Variants in LRRFIP1 observed in about 807,000 individuals in gnomAD.
LRRFIP1 encodes LRR binding FLII interacting protein 1.
LRRFIP1 carries 62 observed loss-of-function variants against 104.4 expected under a neutral mutation model. The ratio of observed to expected loss-of-function variants is 0.59; its 90% confidence interval spans 0.48 to 0.73. The LOEUF (loss-of-function observed/expected upper bound fraction) is 0.73. Among genes scored for constraint, LRRFIP1 ranks in the 30% least tolerant of loss-of-function variants. The probability of loss-of-function intolerance (pLI) is 0.00; values close to 1 mark genes in which losing one functional copy is unlikely to be tolerated. For synonymous variants in LRRFIP1, 300 were observed against 299.0 expected (o/e 1.00, Z -0.03); for missense variants, 796 against 824.5 (o/e 0.97, Z 0.42).
rs371205051 is a variant in LRRFIP1 at position 237,773,576 on chromosome 2, TA to T, written c.1707+638del. Among the ~76,000 whole-genome samples the T allele has an allele frequency of 1.5e-3, 232 of 152,192 alleles. 3 individuals are homozygous for T. Among genetic ancestry groups the T allele is most frequent in the African/African-American group, 5.0e-3 (206 of 41,536 alleles). On this transcript the variant is annotated intron_variant, in intron 22 of 23. Transcript: ENST00000308482. ...TAAATAAATAAATAATGTAGCTAAT[TA>T]AAAAAACACATCATACTGGGACGTC...
At chr2:237,670,358 A>C (rs902466361) in intron 1 of LRRFIP1, among the ~76,000 whole-genome samples, 5 of 152,174 alleles carry the variant, frequency 3.3e-5, no homozygotes, top group African/African-American at 1.2e-4. Flanking sequence ...CAGATGTACT[A>C]GGAGGCCCCT....
intron 17 of LRRFIP1, among the ~76,000 whole-genome samples, chr2:237,758,047 T>C (rs779711748): frequency 2.0e-5 from 3 of 152,104 alleles, no homozygotes; most frequent in Non-Finnish European, 1.5e-5. Flanking sequence ...AATTGAAGGA[T>C]AGGGGGAACA....
chr2:237,640,539 C>T (rs987833264), intron 1 of LRRFIP1, among the ~76,000 whole-genome samples: 1 of 152,054 alleles, frequency 6.6e-6, no homozygotes, highest in African/African-American at 2.4e-5. Flanking sequence ...TCGTCCTTCA[C>T]CCCCCAGGAC....
intron 13 of LRRFIP1, among the ~76,000 whole-genome samples, chr2:237,750,925 C>T (rs1206371345): frequency 7.2e-5 from 11 of 152,088 alleles, no homozygotes; most frequent in Non-Finnish European, 1.2e-4. Flanking sequence ...TAACCTGTAC[C>T]GTTTTCCGAG....
At chr2:237,650,282 G>A (rs2085703333) in intron 1 of LRRFIP1, among the ~76,000 whole-genome samples, 1 of 151,980 alleles carries the variant, frequency 6.6e-6, no homozygotes, top group Admixed American at 6.5e-5. Context: ...CTCAGCATGG[G>A]GGCTGTTGTG....
intron 1 of LRRFIP1, among the ~76,000 whole-genome samples, chr2:237,702,940 A>G (rs972995729): frequency 6.6e-6 from 1 of 152,140 alleles, no homozygotes; most frequent in Non-Finnish European, 1.5e-5. Flanking sequence ...AGATAATTTC[A>G]CTGTACTCCT....
chr2:237,759,353 G>A (rs906372558), intron 18 of LRRFIP1, among the ~76,000 whole-genome samples: 1 of 152,148 alleles, frequency 6.6e-6, no homozygotes, highest in Non-Finnish European at 1.5e-5. Context: ...CTGGGTGGGG[G>A]GGTTCCTGAA....
intron 19 of LRRFIP1, among the ~76,000 whole-genome samples, chr2:237,761,556 C>G (rs1239317059): frequency 6.6e-6 from 1 of 152,220 alleles, no homozygotes; most frequent in African/African-American, 2.4e-5. Context: ...AAGTGGCCTT[C>G]AAATGACTTT....
intron 22 of LRRFIP1, 42 bp from the exon 23 acceptor site, chr2:237,774,316 G>A: frequency 8.5e-7 from 1 of 1,182,126 alleles, no homozygotes; most frequent in Non-Finnish European, 1.2e-6. Flanking sequence ...AAAGAAAACA[G>A]GCTTATCAAT....
chr2:237,772,346 G>T, intron 21 of LRRFIP1, 148 bp downstream of exon 21: 2 of 624,476 alleles, frequency 3.2e-6, no homozygotes, highest in South Asian at 1.9e-5. Flanking sequence ...CACAAGGAGG[G>T]GTAGGTAGAC....
rs182990338 is a variant in LRRFIP1 at position 237,692,587 on chromosome 2, C to G, written c.97-15957C>G. Reference sequence around the variant, plus strand: ...GGCGGGGTTTCAGGGGCTTCCAGCTCGTTCCGAGGTCAATGGCAGGCGCAG... The same window carrying G: ...GGCGGGGTTTCAGGGGCTTCCAGCTGGTTCCGAGGTCAATGGCAGGCGCAG... On this transcript the variant is annotated intron_variant, in intron 1 of 23. Transcript: ENST00000308482. 2.7e-3 allele frequency: 3,908 copies of G among 1,432,770 alleles called. 10 individuals carry two copies. The highest frequency in any genetic ancestry group is 3.0e-3 in the Non-Finnish European group (3,219 of 1,076,642). 88.8% of individuals were successfully genotyped at this position (1,432,770 alleles called of 1,614,324 possible). A position where few individuals can be genotyped will look rare whatever the true frequency, so the allele number is the denominator to read the frequency against.
chr2:237,709,152 C>T (rs1303950720), intron 2 of LRRFIP1, among the ~76,000 whole-genome samples: 3 of 152,164 alleles, frequency 2.0e-5, no homozygotes, highest in Admixed American at 6.5e-5. Context: ...AGAAATTCCT[C>T]CCTGGGAAAA....
At chr2:237,750,806 A>T (rs1382929012) in intron 13 of LRRFIP1, among the ~76,000 whole-genome samples, 1 of 152,210 alleles carries the variant, frequency 6.6e-6, no homozygotes, top group Non-Finnish European at 1.5e-5. Flanking sequence ...TTGGAGCTCC[A>T]TAAATGCAGG....
At chr2:237,707,117 C>T (rs923024024) in intron 1 of LRRFIP1, among the ~76,000 whole-genome samples, 4 of 152,086 alleles carry the variant, frequency 2.6e-5, no homozygotes, top group Admixed American at 6.6e-5. Flanking sequence ...AACCTCAAGA[C>T]GACAGATCAA....
intron 2 of LRRFIP1, 109 bp from the exon 3 acceptor site, chr2:237,714,150 C>T (rs1385772716): frequency 1.7e-5 from 11 of 665,592 alleles, no homozygotes; most frequent in Admixed American, 5.3e-5. Context: ...TTACTGTATT[C>T]GTTGTGACTT....
At chr2:237,688,992 C>T (rs1475888819) in intron 1 of LRRFIP1, among the ~76,000 whole-genome samples, 1 of 149,296 alleles carries the variant, frequency 6.7e-6, no homozygotes, top group East Asian at 2.0e-4. Context: ...TCCCATGCGT[C>T]AAGTTTGTGG....
intron 4 of LRRFIP1, among the ~76,000 whole-genome samples, 197 bp from the exon 5 acceptor site, chr2:237,719,326 A>G (rs916144149): frequency 3.3e-5 from 5 of 152,248 alleles, no homozygotes; most frequent in African/African-American, 1.2e-4. Context: ...TGTGCTTAAG[A>G]ACCTCCCACC....
At position 237,753,312 on chromosome 2, in the gene LRRFIP1, T is replaced by A; in HGVS notation, c.871T>A (p.Ser291Thr). 4 of 1,576,242 alleles carry A rather than the reference T, an allele frequency of 2.5e-6. No individual in the cohort carries two copies. Among genetic ancestry groups the A allele is most frequent in the Non-Finnish European group, 3.4e-6 (4 of 1,170,400 alleles). The change falls in exon 15 of 24, where the codon TCT (serine) becomes ACT (threonine). Residue 291 changes from serine to threonine, a missense_variant. Ser to Thr is a moderately conservative substitution (Grantham distance 58). Transcript: ENST00000308482. ...YMQGLKEMKD[S>T]LAEVEEKYKK... is the part of the protein sequence containing the mutation. ...AAATATGACCTGCTTTCCACAGGACTCTCTAGCAGAAGTTGAAGAGAAATA... is the reference window on the plus strand; with the variant it reads ...AAATATGACCTGCTTTCCACAGGACACTCTAGCAGAAGTTGAAGAGAAATA...
chr2:237,662,307 T>A (rs1257511453), intron 1 of LRRFIP1, among the ~76,000 whole-genome samples: 1 of 152,204 alleles, frequency 6.6e-6, no homozygotes, highest in Non-Finnish European at 1.5e-5. Context: ...TCATCTTAAC[T>A]TGATTGTACA....
Sources: allele counts gnomAD v4.1 joint callset (sites outside exome capture counted in the v4.1 genomes callset), GRCh38; gene constraint gnomAD v4.1.1; transcripts MANE v1.5; gene names NCBI Gene and HGNC (gene_info 2026-07-23, HGNC 2026-07-21).